The following RBFOX1 variants were observed in gnomAD, a reference collection of about 807,000 sequenced individuals.
RBFOX1 encodes the protein RNA binding fox-1 homolog 1.
Under a neutral mutation model 57.7 loss-of-function variants are expected in RBFOX1, and 8 were observed. That is an observed-to-expected ratio of 0.14 (90% CI 0.08 to 0.25). The LOEUF is 0.25. RBFOX1 is among the 10% of genes least tolerant of loss of function. RBFOX1 has a pLI of 1.00. For synonymous variants in RBFOX1, 326 were observed against 222.4 expected, an observed-to-expected ratio of 1.47 and a Z score of -4.15; for missense variants, 611 against 548.5, an observed-to-expected ratio of 1.11 and a Z score of -1.14.
chr16:6,612,101 A>G (rs1343589308), intron 2 of RBFOX1, among the ~76,000 whole-genome samples: 1 of 152,138 alleles, frequency 6.6e-6, no homozygotes, highest in Non-Finnish European at 1.5e-5. Flanking sequence ...CCCCTCTTGC[A>G]TATGGTACAT....
At chr16:6,678,411 G>A (rs141792815) in intron 3 of RBFOX1, among the ~76,000 whole-genome samples, 42 of 151,914 alleles carry the variant, frequency 2.8e-4, no homozygotes, top group African/African-American at 9.4e-4. Context: ...GGCATGAGCC[G>A]CTGCACCTGG....
intron 3 of RBFOX1, among the ~76,000 whole-genome samples, chr16:5,634,130 C>T (rs2048608090): frequency 1.3e-5 from 2 of 152,180 alleles, no homozygotes. Context: ...AGCCACTGGC[C>T]TCACTTCTTT....
chr16:7,138,844 T>C (rs1254026448), intron 4 of RBFOX1, among the ~76,000 whole-genome samples: 1 of 152,210 alleles, frequency 6.6e-6, no homozygotes, highest in African/African-American at 2.4e-5. Context: ...AGTCTGGCTC[T>C]GCTGCCTAGC....
chr16:5,967,678 C>CTCT (rs2059874906), intron 4 of RBFOX1, among the ~76,000 whole-genome samples: 1 of 152,150 alleles, frequency 6.6e-6, no homozygotes, highest in South Asian at 2.1e-4. Flanking sequence ...TTTTATCTAT[C>CTCT]TCTTCTTCTT....
intron 4 of RBFOX1, among the ~76,000 whole-genome samples, chr16:5,876,797 C>G (rs568182776): frequency 2.0e-5 from 3 of 152,300 alleles, no homozygotes; most frequent in South Asian, 4.1e-4. Context: ...CCAAATTAGA[C>G]AGAACAGCAG....
At chr16:6,041,717 G>C (rs749203538) in intron 1 of RBFOX1, among the ~76,000 whole-genome samples, 1 of 152,110 alleles carries the variant, frequency 6.6e-6, no homozygotes, top group Non-Finnish European at 1.5e-5. Flanking sequence ...AGATTCAGGG[G>C]ACAAGGTCTG....
intron 3 of RBFOX1, among the ~76,000 whole-genome samples, chr16:6,818,915 A>G (rs1264648242): frequency 1.3e-5 from 2 of 152,224 alleles, no homozygotes; most frequent in African/African-American, 4.8e-5. Flanking sequence ...TCCTCTGGGC[A>G]TGCTGAACTG....
At chr16:7,277,408 C>G (rs1352824425) in intron 4 of RBFOX1, among the ~76,000 whole-genome samples, 1 of 152,174 alleles carries the variant, frequency 6.6e-6, no homozygotes, top group East Asian at 1.9e-4. Flanking sequence ...CCATCTCCAG[C>G]TGGAATGTTG....
chr16:6,675,008 C>G (rs907828190), intron 3 of RBFOX1, among the ~76,000 whole-genome samples: 2 of 152,076 alleles, frequency 1.3e-5, no homozygotes, highest in African/African-American at 4.8e-5. Flanking sequence ...CAGGTTCAAG[C>G]CATTCTCGTG....
intron 3 of RBFOX1, among the ~76,000 whole-genome samples, chr16:6,846,649 T>A (rs1164588884): frequency 6.6e-6 from 1 of 152,174 alleles, no homozygotes; most frequent in African/African-American, 2.4e-5. Context: ...CAGTTGAGCA[T>A]CTACAGACGT....
intron 4 of RBFOX1, among the ~76,000 whole-genome samples, chr16:7,140,518 G>T (rs1275549799): frequency 2.6e-5 from 4 of 152,034 alleles, no homozygotes; most frequent in Non-Finnish European, 5.9e-5. Flanking sequence ...CATATAGTAT[G>T]AGTTTAATAA....
intron 2 of RBFOX1, among the ~76,000 whole-genome samples, chr16:6,382,470 G>A (rs990863379): frequency 2.0e-5 from 3 of 152,222 alleles, no homozygotes; most frequent in African/African-American, 7.2e-5. Flanking sequence ...TGCTCCTAAT[G>A]CATAGTGTGA....
intron 1 of RBFOX1, among the ~76,000 whole-genome samples, chr16:6,141,014 T>C (rs2096711757): frequency 6.6e-6 from 1 of 152,166 alleles, no homozygotes; most frequent in East Asian, 1.9e-4. Flanking sequence ...GACTTGACTC[T>C]CTGCCCTCCC....
At chr16:6,602,729 A>T in intron 2 of RBFOX1, among the ~76,000 whole-genome samples, 1 of 151,688 alleles carries the variant, frequency 6.6e-6, no homozygotes, top group South Asian at 2.1e-4. Context: ...TGGAAGTGCA[A>T]TTTTTTTTCC....
chr16:6,616,225 ATGTC>A (rs2098139024), intron 2 of RBFOX1, among the ~76,000 whole-genome samples: 2 of 152,202 alleles, frequency 1.3e-5, no homozygotes, highest in African/African-American at 4.8e-5. Flanking sequence ...TAATAAATGA[ATGTC>A]TGTGCTCATA....
Position 6,019,753 on chromosome 16 carries a change from C to G in RBFOX1, c.-366C>G. 1 of 1,389,600 alleles carries G rather than the reference C, an allele frequency of 7.2e-7. No homozygotes were observed. Among genetic ancestry groups the G allele is most frequent in the Middle Eastern group, 2.7e-4 (1 of 3,692 alleles). 86.1% of individuals were successfully genotyped at this position (1,389,600 alleles called of 1,614,324 possible). The stretch of plus-strand genomic sequence containing the variant: ...CCCGGGATTGAGAGTCCTTGCGCTC[C>G]AGACCCCCACCCAGTGGCCGCCAGG... On this transcript the variant is annotated 5_prime_UTR_variant, in exon 1 of 16. Transcript: ENST00000550418. The surrounding 1 kb of genome is among the most constrained non-coding windows in gnomAD (Gnocchi z 4.2).
chr16:6,979,286 T>G (rs1038878078), intron 3 of RBFOX1, among the ~76,000 whole-genome samples: 1 of 152,154 alleles, frequency 6.6e-6, no homozygotes, highest in African/African-American at 2.4e-5. Flanking sequence ...TTCTATGGGG[T>G]CCTGTCTGAT....
At chr16:6,183,692 G>A (rs945999197) in intron 1 of RBFOX1, among the ~76,000 whole-genome samples, 2 of 152,032 alleles carry the variant, frequency 1.3e-5, no homozygotes, top group African/African-American at 4.8e-5. Context: ...AACGGCCGGT[G>A]TAAAGACACC....
At chr16:6,843,626 T>C (rs942492298) in intron 3 of RBFOX1, among the ~76,000 whole-genome samples, 21 of 152,132 alleles carry the variant, frequency 1.4e-4, no homozygotes, top group African/African-American at 4.8e-4. Flanking sequence ...GAGGTGGAGC[T>C]TGCAGTGAGC....
Sources: allele counts gnomAD v4.1 joint callset (sites outside exome capture counted in the v4.1 genomes callset), GRCh38; gene constraint gnomAD v4.1.1; non-coding constraint Gnocchi (gnomAD v3.1); transcripts MANE v1.5; gene names NCBI Gene and HGNC (gene_info 2026-07-23, HGNC 2026-07-21).